Variants in ALMS1 observed in about 807,000 individuals in gnomAD.
The protein encoded by ALMS1 is ALMS1 centrosome and basal body associated protein.
Under a neutral mutation model 352.2 loss-of-function variants are expected in ALMS1, and 271 were observed. That is an observed-to-expected ratio of 0.77 (90% CI 0.70 to 0.85). The LOEUF (loss-of-function observed/expected upper bound fraction) is 0.85. ALMS1 is among the 40% of genes least tolerant of loss of function. The pLI is 0.00. For synonymous variants in ALMS1, 1,865 were observed against 1,761.2 expected (o/e 1.06, Z -1.48); for missense variants, 5,445 against 4,870.7 (o/e 1.12, Z -3.51).
intron 1 of ALMS1, among the ~76,000 whole-genome samples, chr2:73,389,809 C>G (rs998620351): frequency 1.3e-5 from 2 of 152,096 alleles, no homozygotes; most frequent in African/African-American, 4.8e-5. Flanking sequence ...CCTGCCTCAG[C>G]CTCCCGAGTA....
rs946963036 is a variant in ALMS1 at position 73,491,061 on chromosome 2, A to G, written c.9102A>G (p.Ala3034=). 1 of 1,614,102 alleles carries G rather than the reference A, an allele frequency of 6.2e-7. No individual in the cohort carries two copies. The highest frequency in any genetic ancestry group is 1.3e-5 in the African/African-American group (1 of 74,950). ...APNHCTLAAS[A]STPPSNRKAL... ...ATCACTGTACATTAGCAGCATCTGC[A>G]TCTACTCCTCCTTCAAATAGAAAAG... Residue 3034 remains alanine, a synonymous_variant, in exon 10 of 23, where the codon GCA becomes GCG. Transcript: ENST00000613296.
intron 12 of ALMS1, among the ~76,000 whole-genome samples, chr2:73,545,206 A>G (rs1177443997): frequency 2.0e-5 from 3 of 147,112 alleles, no homozygotes; most frequent in Admixed American, 6.8e-5. Flanking sequence ...TTTGAAACAG[A>G]GTCTTGCTTT....
intron 7 of ALMS1, among the ~76,000 whole-genome samples, chr2:73,434,858 C>G (rs6736866): frequency 0.26 from 39,370 of 152,050 alleles, 5,597 homozygotes; most frequent in African/African-American, 0.38. Flanking sequence ...GGCTGAAATG[C>G]AGTGCGTGGC....
chr2:73,554,479 G>T lies in ALMS1; in HGVS notation c.10079-2741G>T, dbSNP rs185307253. Among the ~76,000 whole-genome samples, 557 of 152,018 alleles carry T rather than the reference G, an allele frequency of 3.7e-3. 1 individual carries two copies. The highest frequency in any genetic ancestry group is 5.6e-3 in the Non-Finnish European group (379 of 67,972). The stretch of plus-strand genomic sequence containing the variant: ...CCAGCAGTTTGGGGGGCCAAGGCGG[G>T]TGGATCACGAGGTCAGGAGATCGAG... On this transcript the variant is annotated intron_variant, in intron 13 of 22. Coordinates refer to ENST00000613296, the MANE Select transcript of ALMS1 (RefSeq NM_001378454.1).
intron 12 of ALMS1, among the ~76,000 whole-genome samples, chr2:73,538,779 G>T (rs140224167): frequency 0.011 from 1,748 of 152,278 alleles, 18 homozygotes; most frequent in Non-Finnish European, 0.017. Flanking sequence ...ACGGAGCCTC[G>T]CTCATTGCTA....
chr2:73,397,975 TA>T (rs1670797344), intron 1 of ALMS1, among the ~76,000 whole-genome samples: 1 of 152,250 alleles, frequency 6.6e-6, no homozygotes, highest in South Asian at 2.1e-4. Flanking sequence ...AATAAGTTTT[TA>T]ATTAAATCCA....
intron 7 of ALMS1, among the ~76,000 whole-genome samples, chr2:73,434,527 C>T (rs1671570414): frequency 6.6e-6 from 1 of 152,138 alleles, no homozygotes; most frequent in Non-Finnish European, 1.5e-5. Context: ...GTAGAATGTA[C>T]AGTTTGTACT....
intron 10 of ALMS1, among the ~76,000 whole-genome samples, chr2:73,510,282 G>C (rs1434136054): frequency 6.6e-6 from 1 of 152,158 alleles, no homozygotes; most frequent in Non-Finnish European, 1.5e-5. Context: ...TCCTTTGGAG[G>C]AGAAGAGGCA....
At position 73,449,904 on chromosome 2, in the gene ALMS1, C is replaced by T; in HGVS notation, c.3377C>T (p.Ala1126Val). ...LPKEALKISV[A>V]PGLADQKTGT... ...AAAGAGGCTCTGAAAATTTCAGTAG[C>T]TCCTGGACTAGCAGACCAGAAGACT... Residue 1126 changes from alanine to valine, a missense_variant, in exon 8 of 23, where the codon GCT becomes GTT. Coordinates refer to ENST00000613296, the MANE Select transcript of ALMS1 (RefSeq NM_001378454.1). The T allele has an allele frequency of 6.2e-7, 1 of 1,613,646 alleles. No homozygotes were observed. Among genetic ancestry groups the T allele is most frequent in the Non-Finnish European group, 8.5e-7 (1 of 1,179,874 alleles).
At chr2:73,395,465 T>A (rs1670742122) in intron 1 of ALMS1, among the ~76,000 whole-genome samples, 1 of 152,172 alleles carries the variant, frequency 6.6e-6, no homozygotes. Flanking sequence ...TGTAATTAGA[T>A]CTTCTTTAAA....
chr2:73,396,706 G>A (rs1162804951), intron 1 of ALMS1, among the ~76,000 whole-genome samples: 4 of 149,344 alleles, frequency 2.7e-5, no homozygotes, highest in African/African-American at 5.0e-5. Context: ...GTGCAGTGGC[G>A]CGATCTCAGC....
chr2:73,433,862 G>C (rs988076828), intron 7 of ALMS1, among the ~76,000 whole-genome samples: 3 of 151,956 alleles, frequency 2.0e-5, no homozygotes, highest in Non-Finnish European at 4.4e-5. Context: ...AATAGAATTT[G>C]TCCATTTAGC....
intron 16 of ALMS1, among the ~76,000 whole-genome samples, chr2:73,594,407 A>T (rs761624831): frequency 2.6e-5 from 4 of 152,266 alleles, no homozygotes; most frequent in Non-Finnish European, 5.9e-5. Flanking sequence ...AAGGCTCCTC[A>T]TATAATCCAG....
rs1052653825 is a variant in ALMS1 at position 73,453,169 on chromosome 2, C to T, written c.6642C>T (p.Ser2214=). The change falls in exon 8 of 23, where the codon TCC becomes TCT. Residue 2214 remains serine (S), a synonymous_variant. Transcript: ENST00000613296. ...RLIDNLNSSD[S]SVSSNNVLLN... Reference sequence around the variant, plus strand: ...TAGATAATTTGAATTCTTCTGACTCCAGTGTTAGCTCAAATAATGTGCTTT... The same window carrying T: ...TAGATAATTTGAATTCTTCTGACTCTAGTGTTAGCTCAAATAATGTGCTTT... The T allele has an allele frequency of 4.3e-6, 7 of 1,613,998 alleles. No individual in the cohort carries two copies. Among genetic ancestry groups the T allele is most frequent in the Non-Finnish European group, 5.9e-6 (7 of 1,179,974 alleles).
chr2:73,484,477 T>C (rs9711246), intron 9 of ALMS1, among the ~76,000 whole-genome samples: 36 of 151,750 alleles, frequency 2.4e-4, no homozygotes, highest in African/African-American at 7.2e-4. Context: ...TTGTGGGTAA[T>C]CCGACCTTTC....
intron 7 of ALMS1, among the ~76,000 whole-genome samples, chr2:73,432,799 C>G (rs933690878): frequency 2.0e-5 from 3 of 152,158 alleles, no homozygotes; most frequent in South Asian, 2.1e-4. Flanking sequence ...CACAAGTCCC[C>G]TGATGTTTTA....
At chr2:73,590,181 A>G (rs1336904300) in intron 16 of ALMS1, among the ~76,000 whole-genome samples, 1 of 152,138 alleles carries the variant, frequency 6.6e-6, no homozygotes, top group Non-Finnish European at 1.5e-5. Flanking sequence ...CATTCATCCA[A>G]ACATAATTAT....
intron 21 of ALMS1, among the ~76,000 whole-genome samples, chr2:73,606,760 G>C (rs1206948810): frequency 6.6e-6 from 1 of 152,170 alleles, no homozygotes; most frequent in Non-Finnish European, 1.5e-5. Flanking sequence ...CACAGCTGGA[G>C]TTAGAGCCTG....
chr2:73,511,479 C>T (rs1301080419), intron 10 of ALMS1, among the ~76,000 whole-genome samples: 1 of 152,118 alleles, frequency 6.6e-6, no homozygotes, highest in South Asian at 2.1e-4. Flanking sequence ...TGCTGCTGCT[C>T]ACCCTCTGTG....
Sources: allele counts gnomAD v4.1 joint callset (sites outside exome capture counted in the v4.1 genomes callset), GRCh38; gene constraint gnomAD v4.1.1; transcripts MANE v1.5; gene names NCBI Gene and HGNC (gene_info 2026-07-23, HGNC 2026-07-21).